MNAT1: variants seen among roughly 807,000 people sequenced by gnomAD.
MNAT1 encodes CDK-activating kinase assembly factor MAT1.
In MNAT1, 43 loss-of-function variants were observed where a neutral mutation model predicts 42.0. The observed-to-expected ratio is 1.02, with a 90% CI of 0.80 to 1.32. MNAT1 has a LOEUF of 1.32. MNAT1 is among the 40% of genes most tolerant of loss of function. MNAT1 has a pLI of 0.00. For missense variants in MNAT1, 306 were observed against 350.4 expected, an observed-to-expected ratio of 0.87 and a Z score of 1.01; for synonymous variants, 118 against 120.0, an observed-to-expected ratio of 0.98 and a Z score of 0.11.
At chr14:60,937,211 G>T (rs900068309) in intron 7 of MNAT1, among the ~76,000 whole-genome samples, 1 of 152,128 alleles carries the variant, frequency 6.6e-6, no homozygotes, top group African/African-American at 2.4e-5. Context: ...CTTTTGCTGT[G>T]CAGAAGCTCT....
intron 3 of MNAT1, among the ~76,000 whole-genome samples, chr14:60,801,159 G>C (rs2032190203): frequency 6.6e-6 from 1 of 151,852 alleles, no homozygotes. Context: ...CAGATAGAAA[G>C]GGCTTGGAAA....
At chr14:60,955,523 G>T (rs147298674) in intron 7 of MNAT1, among the ~76,000 whole-genome samples, 4 of 152,062 alleles carry the variant, frequency 2.6e-5, no homozygotes, top group Non-Finnish European at 5.9e-5. Flanking sequence ...TCAGCTGGGC[G>T]TGGTGGTGGG....
intron 6 of MNAT1, among the ~76,000 whole-genome samples, chr14:60,846,650 G>C (rs1594798593): frequency 6.6e-6 from 1 of 151,968 alleles, no homozygotes. Flanking sequence ...GTGATTTCTT[G>C]TTTGACCATG....
chr14:60,780,318 G>T, intron 1 of MNAT1: 1 of 1,552,414 alleles, frequency 6.4e-7, no homozygotes. Context: ...AAAGATGACA[G>T]TGCACCCAGA....
chr14:60,914,485 G>A (rs2035467965), intron 7 of MNAT1, among the ~76,000 whole-genome samples: 1 of 151,946 alleles, frequency 6.6e-6, no homozygotes, highest in Admixed American at 6.6e-5. Flanking sequence ...TGAATGGTGT[G>A]TCTGGATTGT....
chr14:60,746,110 A>G (rs1440913132), intron 1 of MNAT1, among the ~76,000 whole-genome samples: 1 of 152,192 alleles, frequency 6.6e-6, no homozygotes, highest in Non-Finnish European at 1.5e-5. Context: ...TAGTTTCACC[A>G]TAGACTAGCG....
intron 7 of MNAT1, among the ~76,000 whole-genome samples, chr14:60,965,075 C>CA (rs1291176765): frequency 1.3e-5 from 2 of 152,082 alleles, no homozygotes; most frequent in Non-Finnish European, 2.9e-5. Context: ...AGATCAAAAA[C>CA]AGCAAAGTAA....
At chr14:60,917,875 G>A (rs572788050) in intron 7 of MNAT1, among the ~76,000 whole-genome samples, 2 of 152,092 alleles carry the variant, frequency 1.3e-5, no homozygotes, top group African/African-American at 4.8e-5. Context: ...TAATCTACCC[G>A]CTTTGGCCTC....
At chr14:60,916,257 A>G (rs1403752676) in intron 7 of MNAT1, among the ~76,000 whole-genome samples, 1 of 152,214 alleles carries the variant, frequency 6.6e-6, no homozygotes, top group Non-Finnish European at 1.5e-5. Flanking sequence ...TTTAAAAATG[A>G]CATATTGAAG....
chr14:60,938,405 A>G (rs2036058239), intron 7 of MNAT1, among the ~76,000 whole-genome samples: 1 of 152,174 alleles, frequency 6.6e-6, no homozygotes, highest in Non-Finnish European at 1.5e-5. Context: ...TGTCCCATCA[A>G]TAACTAATTT....
intron 7 of MNAT1, among the ~76,000 whole-genome samples, chr14:60,910,804 G>T (rs1168256135): frequency 1.3e-5 from 2 of 152,098 alleles, no homozygotes; most frequent in African/African-American, 4.8e-5. Context: ...TTGTGTCTCT[G>T]CCCGGCTTTG....
chr14:60,896,749 G>C (rs997688667), intron 7 of MNAT1, among the ~76,000 whole-genome samples: 1 of 152,110 alleles, frequency 6.6e-6, no homozygotes, highest in Non-Finnish European at 1.5e-5. Context: ...GCCTCCCAAA[G>C]TGCTGGGATT....
intron 1 of MNAT1, among the ~76,000 whole-genome samples, chr14:60,778,827 A>G (rs2031343921): frequency 6.6e-6 from 1 of 152,218 alleles, no homozygotes; most frequent in East Asian, 1.9e-4. Context: ...TGGCCATCAT[A>G]TGGATATTCA....
intron 1 of MNAT1, among the ~76,000 whole-genome samples, chr14:60,743,948 T>G (rs1189580594): frequency 6.6e-6 from 1 of 152,178 alleles, no homozygotes; most frequent in Admixed American, 6.5e-5. Context: ...TTTTATAGTT[T>G]TCATTTCTCT....
chr14:60,938,156 A>G (rs562140623), intron 7 of MNAT1, among the ~76,000 whole-genome samples: 2 of 152,284 alleles, frequency 1.3e-5, no homozygotes, highest in South Asian at 2.1e-4. Context: ...TAGATATACA[A>G]TCATGTCATC....
chr14:60,842,872 C>G (rs570748503), intron 6 of MNAT1, among the ~76,000 whole-genome samples: 10 of 152,102 alleles, frequency 6.6e-5, no homozygotes, highest in Admixed American at 1.3e-4. Flanking sequence ...TTACATTAGC[C>G]CAGCATCATG....
chr14:60,945,632 A>G (rs551547490), intron 7 of MNAT1, among the ~76,000 whole-genome samples: 20 of 152,342 alleles, frequency 1.3e-4, no homozygotes, highest in Middle Eastern at 3.4e-3. Flanking sequence ...TATTAAATAC[A>G]TTAGTATTTT....
intron 7 of MNAT1, among the ~76,000 whole-genome samples, chr14:60,917,307 A>G (rs1243993124): frequency 6.6e-6 from 1 of 152,188 alleles, no homozygotes; most frequent in East Asian, 1.9e-4. Flanking sequence ...TTACCAGGAA[A>G]AAATAGTCAT....
chr14:60,798,300 C>T (rs1485577096), intron 3 of MNAT1, 140 bp downstream of exon 3: 2 of 502,272 alleles, frequency 4.0e-6, no homozygotes, highest in Non-Finnish European at 7.4e-6. Flanking sequence ...CTTTCTTTTG[C>T]ACTTGAGTCA....
Sources: gnomAD v4.1 joint callset for allele counts (sites outside exome capture counted in the v4.1 genomes callset) on GRCh38, gnomAD v4.1.1 for gene constraint, MANE v1.5 for transcripts, NCBI Gene and HGNC (gene_info 2026-07-23, HGNC 2026-07-21) for gene names.